The following PPP2R2A variants were observed in gnomAD, a reference collection of about 807,000 sequenced individuals.
PPP2R2A encodes serine/threonine-protein phosphatase 2A 55 kDa regulatory subunit B alpha isoform.
Under a neutral mutation model 53.2 loss-of-function variants are expected in PPP2R2A, and 9 were observed. The ratio of observed to expected loss-of-function variants is 0.17; its 90% CI spans 0.10 to 0.30. The LOEUF (loss-of-function observed/expected upper bound fraction) is 0.30. Ranked by LOEUF, PPP2R2A falls within the 10% of genes least tolerant of loss-of-function variation. PPP2R2A has a pLI of 1.00. For synonymous variants in PPP2R2A, 169 were observed against 174.2 expected, an observed-to-expected ratio of 0.97 and a Z score of 0.23; for missense variants, 235 against 534.6, an observed-to-expected ratio of 0.44 and a Z score of 5.53.
chr8:26,358,412 AC>A (rs1276580370), intron 4 of PPP2R2A, among the ~76,000 whole-genome samples: 3 of 152,332 alleles, frequency 2.0e-5, no homozygotes, highest in African/African-American at 7.2e-5. Flanking sequence ...ACATATATAA[AC>A]TAAATAACAC....
chr8:26,315,402 A>G (rs1802498944), intron 2 of PPP2R2A, among the ~76,000 whole-genome samples: 2 of 152,190 alleles, frequency 1.3e-5, no homozygotes, highest in Non-Finnish European at 2.9e-5. Flanking sequence ...GGCTGCTGAC[A>G]TTCTGGGAGC....
At chr8:26,320,702 G>A (rs1345460919) in intron 2 of PPP2R2A, among the ~76,000 whole-genome samples, 1 of 152,098 alleles carries the variant, frequency 6.6e-6, no homozygotes, top group Non-Finnish European at 1.5e-5. Flanking sequence ...TGCTCACTAA[G>A]TTTTGTGATG....
intron 2 of PPP2R2A, among the ~76,000 whole-genome samples, chr8:26,332,378 AAAG>A (rs1345893251): frequency 2.5e-4 from 37 of 150,758 alleles, no homozygotes; most frequent in East Asian, 7.7e-4. Flanking sequence ...AAAAAAAAAA[AAAG>A]AAGAAGATAC....
intron 2 of PPP2R2A, among the ~76,000 whole-genome samples, chr8:26,301,321 TC>T (rs546561625): frequency 8.4e-4 from 128 of 151,700 alleles, no homozygotes; most frequent in Middle Eastern, 3.4e-3. Context: ...CTTTTTTTTT[TC>T]CTTTTTCTTT....
chr8:26,315,681 C>A (rs576730694), intron 2 of PPP2R2A, among the ~76,000 whole-genome samples: 1 of 152,130 alleles, frequency 6.6e-6, no homozygotes, highest in Non-Finnish European at 1.5e-5. Flanking sequence ...CTTGACAACC[C>A]CTTTTGCATG....
intron 2 of PPP2R2A, among the ~76,000 whole-genome samples, chr8:26,323,844 CCCTT>C (rs1802958889): frequency 6.6e-6 from 1 of 152,152 alleles, no homozygotes; most frequent in Admixed American, 6.5e-5. Context: ...CAGCCCCACT[CCCTT>C]CCACTTCTCT....
intron 2 of PPP2R2A, among the ~76,000 whole-genome samples, chr8:26,333,170 T>C (rs1427555907): frequency 6.6e-6 from 1 of 152,196 alleles, no homozygotes; most frequent in Non-Finnish European, 1.5e-5. Flanking sequence ...TAAAGCAGAG[T>C]TTGGCAAACA....
At position 26,291,651 on chromosome 8, in the gene PPP2R2A, C is replaced by G; in HGVS notation, c.-169C>G. On this transcript the variant is annotated 5_prime_UTR_variant, in exon 1 of 10. Coordinates refer to ENST00000380737, the MANE Select transcript of PPP2R2A (RefSeq NM_002717.4). ...AGAGTGAAATCTAGCATCCTGCCGG[C>G]TGGTCTGCCCGCCCCTCCTTCCTTT... 1.5e-6 allele frequency: 1 copy of G among 648,862 alleles called. No individual in the cohort carries two copies. The highest frequency in any genetic ancestry group is 3.1e-5 in the Admixed American group (1 of 32,320). 40.2% of individuals were successfully genotyped at this position (648,862 alleles called of 1,614,324 possible). A position where few individuals can be genotyped will look rare whatever the true frequency, so the allele number is the denominator to read the frequency against.
intron 2 of PPP2R2A, among the ~76,000 whole-genome samples, chr8:26,325,175 T>C (rs1585357674): frequency 6.6e-6 from 1 of 151,928 alleles, no homozygotes; most frequent in East Asian, 1.9e-4. Flanking sequence ...TGTGTCCCCA[T>C]TCAAATCTCA....
At chr8:26,305,779 A>G (rs949399956) in intron 2 of PPP2R2A, among the ~76,000 whole-genome samples, 1 of 152,130 alleles carries the variant, frequency 6.6e-6, no homozygotes, top group Non-Finnish European at 1.5e-5. Flanking sequence ...TGAGTAGTAA[A>G]TTACTTTCCC....
At chr8:26,299,112 A>C (rs1179186570) in intron 2 of PPP2R2A, among the ~76,000 whole-genome samples, 1 of 152,180 alleles carries the variant, frequency 6.6e-6, no homozygotes, top group Non-Finnish European at 1.5e-5. Flanking sequence ...TTTCTCTACA[A>C]AAATTAAAAA....
intron 1 of PPP2R2A, chr8:26,293,325 C>A: frequency 6.9e-7 from 1 of 1,449,806 alleles, no homozygotes; most frequent in Non-Finnish European, 9.3e-7. Context: ...TTTTTGTACA[C>A]TTAAGAAAAC....
intron 3 of PPP2R2A, among the ~76,000 whole-genome samples, chr8:26,346,911 G>A (rs1285858838): frequency 6.6e-6 from 1 of 152,224 alleles, no homozygotes; most frequent in East Asian, 1.9e-4. Context: ...GCACAGAGAA[G>A]AGTCTGAAAT....
intron 2 of PPP2R2A, among the ~76,000 whole-genome samples, chr8:26,334,258 T>G (rs1803538620): frequency 6.6e-6 from 1 of 152,212 alleles, no homozygotes; most frequent in Non-Finnish European, 1.5e-5. Context: ...AAAGAAGTTG[T>G]TTGTTCTTTG....
At chr8:26,325,979 G>A (rs958271335) in intron 2 of PPP2R2A, among the ~76,000 whole-genome samples, 3 of 152,156 alleles carry the variant, frequency 2.0e-5, no homozygotes, top group African/African-American at 7.2e-5. Context: ...GAGACTACAG[G>A]TGTGCGCTGC....
At chr8:26,322,616 C>T (rs1196882709) in intron 2 of PPP2R2A, among the ~76,000 whole-genome samples, 2 of 152,052 alleles carry the variant, frequency 1.3e-5, no homozygotes, top group African/African-American at 4.8e-5. Context: ...TTAACTACAC[C>T]CAGCTGAGTA....
chr8:26,329,728 C>T (rs1803273691), intron 2 of PPP2R2A, among the ~76,000 whole-genome samples: 1 of 152,184 alleles, frequency 6.6e-6, no homozygotes, highest in East Asian at 1.9e-4. Context: ...AGCCTACAAA[C>T]TGTTTTACTT....
intron 2 of PPP2R2A, among the ~76,000 whole-genome samples, chr8:26,295,563 A>G (rs750021565): frequency 1.3e-5 from 2 of 152,236 alleles, no homozygotes; most frequent in East Asian, 1.9e-4. Context: ...TAAATCAGTT[A>G]TAGTTCCCCT....
intron 3 of PPP2R2A, among the ~76,000 whole-genome samples, chr8:26,349,382 CTGTTGGAA>C (rs1418728903): frequency 6.6e-6 from 1 of 152,144 alleles, no homozygotes; most frequent in Admixed American, 6.5e-5. Flanking sequence ...GACGAAGAGA[CTGTTGGAA>C]CCATTGATTG....
Sources: gnomAD v4.1 joint callset for allele counts (sites outside exome capture counted in the v4.1 genomes callset) on GRCh38, gnomAD v4.1.1 for gene constraint, MANE v1.5 for transcripts, NCBI Gene and HGNC (gene_info 2026-07-23, HGNC 2026-07-21) for gene names.